Variants in CUX1 observed in about 807,000 individuals in gnomAD.
The protein encoded by CUX1 is cut like homeobox 1.
In CUX1, 31 loss-of-function variants were observed where a neutral mutation model predicts 158.8. The observed-to-expected ratio is 0.20, with a 90% CI of 0.15 to 0.26. CUX1 has a LOEUF of 0.26. CUX1 is among the 10% of genes least tolerant of loss of function. The pLI is 1.00. For missense variants in CUX1, 1,589 were observed against 2,014.6 expected (o/e 0.79, Z 4.04); for synonymous variants, 879 against 862.1 (o/e 1.02, Z -0.34).
intron 8 of CUX1, among the ~76,000 whole-genome samples, chr7:102,125,355 A>G (rs145737690): frequency 0.011 from 1,639 of 152,304 alleles, 20 homozygotes; most frequent in Non-Finnish European, 0.014. Context: ...AAGTGCTTCA[A>G]CAGTGAAGAG....
intron 2 of CUX1, among the ~76,000 whole-genome samples, chr7:101,989,901 G>A (rs1814880285): frequency 6.6e-6 from 1 of 152,336 alleles, no homozygotes; most frequent in Middle Eastern, 3.4e-3. Context: ...GTACACGCTC[G>A]GTGTGGGCAT....
rs62465610 is a variant in CUX1, at chr7:102,070,936, C to A, written c.268+519C>A. Among the ~76,000 whole-genome samples, 151 of 4,628 alleles carry A rather than the reference C, an allele frequency of 0.033. No individual in the cohort carries two copies. In the East Asian group the frequency reaches 0.33, roughly 10 times the overall value. 3.0% of individuals were successfully genotyped at this position (4,628 alleles called of 152,430 possible). A position where few individuals can be genotyped will look rare whatever the true frequency, so the allele number is the denominator to read the frequency against. On this transcript the variant is annotated intron_variant, in intron 4 of 23. Transcript: ENST00000292535. ...CTACAACCAAGTATATCAGTTGTTTCTTTTATTTTTTTTTTCTAATTTTAT... is the reference window on the plus strand; with the variant it reads ...CTACAACCAAGTATATCAGTTGTTTATTTTATTTTTTTTTTCTAATTTTAT...
intron 2 of CUX1, among the ~76,000 whole-genome samples, chr7:102,017,926 A>C (rs1818845746): frequency 1.3e-5 from 2 of 152,316 alleles, no homozygotes; most frequent in African/African-American, 4.8e-5. Context: ...AGTAAATCAC[A>C]GATGTATTTT....
intron 3 of CUX1, among the ~76,000 whole-genome samples, chr7:102,064,838 C>T (rs1297711470): frequency 1.3e-5 from 2 of 152,178 alleles, no homozygotes; most frequent in Non-Finnish European, 2.9e-5. Flanking sequence ...CTCCCTCCCT[C>T]CCTCTAGACT....
intron 2 of CUX1, among the ~76,000 whole-genome samples, chr7:101,940,565 GTA>G (rs554209380): frequency 1.1e-4 from 17 of 151,436 alleles, no homozygotes; most frequent in Admixed American, 2.0e-4. Context: ...ATATATATGT[GTA>G]TATATATATA....
Position 102,250,560 on chromosome 7 carries a change from G to A in CUX1, c.*1518G>A. On this transcript the variant is annotated 3_prime_UTR_variant, in exon 24 of 24. Transcript: ENST00000292535. ...TGCAGGAGAGAGAACGTGGCATTCT[G>A]GGCTCCCCACTCCCATCCCTGTAGA... 1 of 985,408 alleles carries A rather than the reference G, an allele frequency of 1.0e-6. No homozygotes were observed. Among genetic ancestry groups the A allele is most frequent in the African/African-American group, 1.7e-5 (1 of 57,328 alleles). 61.0% of individuals were successfully genotyped at this position (985,408 alleles called of 1,614,324 possible).
intron 1 of CUX1, among the ~76,000 whole-genome samples, chr7:101,843,946 C>A (rs1444930492): frequency 6.6e-6 from 1 of 152,084 alleles, no homozygotes; most frequent in Non-Finnish European, 1.5e-5. Context: ...GCCAGACGGC[C>A]ATTTGCAGAT....
At chr7:102,186,116 T>C (rs905942284) in intron 11 of CUX1, among the ~76,000 whole-genome samples, 8 of 151,530 alleles carry the variant, frequency 5.3e-5, no homozygotes, top group African/African-American at 1.9e-4. Flanking sequence ...CAACAAGGAG[T>C]TTCTGATCGA....
In CUX1 at chr7:102,148,894, G is replaced by A. The variant is rs187827775; in HGVS notation, c.675-9666G>A. 2.2e-4 allele frequency among the ~76,000 whole-genome samples: 33 copies of A among 151,232 alleles called. No individual in the cohort carries two copies. The East Asian group carries it at 6.4e-3, about 30-fold the overall frequency. ...GAGTCCTTTGCATTTTCATCGCTTAGCTCCCACTTACGAGTGAGAACATAC... is the reference window on the plus strand; with the variant it reads ...GAGTCCTTTGCATTTTCATCGCTTAACTCCCACTTACGAGTGAGAACATAC... On this transcript the variant is annotated intron_variant, in intron 8 of 23. Transcript: ENST00000292535.
rs1554538125 is a variant in CUX1, at chr7:102,248,758, G to A, written c.4234G>A (p.Ala1412Thr). Residue 1412 changes from alanine (A) to threonine (T), a missense_variant, in exon 24 of 24, where the codon GCC becomes ACC. Around this residue, in one of 8 missense-constraint regions of CUX1, gnomAD observed 344 missense variants for 323.7 expected, o/e 1.06. Coordinates refer to ENST00000292535, the MANE Select transcript of CUX1 (RefSeq NM_181552.4). This position sits in a 1 kb window ranked among gnomAD's most constrained non-coding sequence, Gnocchi z 5.8. ...CAGCCCCGCCTCCGCGACCGCCACC[G>A]CCGCGCCCGCGGCCCCCGAGGACGC... ...LPSPASATAT[A>T]APAAPEDAAT... 2 of 1,035,154 alleles carry A rather than the reference G, an allele frequency of 1.9e-6. No homozygotes were observed. Among genetic ancestry groups the A allele is most frequent in the South Asian group, 8.2e-5 (2 of 24,532 alleles). 64.1% of individuals were successfully genotyped at this position (1,035,154 alleles called of 1,614,324 possible). A position where few individuals can be genotyped will look rare whatever the true frequency, so the allele number is the denominator to read the frequency against.
chr7:102,084,505 C>A (rs1046066009), intron 4 of CUX1, among the ~76,000 whole-genome samples: 21 of 132,292 alleles, frequency 1.6e-4, no homozygotes, highest in African/African-American at 5.3e-4. Context: ...CTCAGTGCAA[C>A]CTCCGCCTTC....
intron 8 of CUX1, among the ~76,000 whole-genome samples, chr7:102,133,947 G>A: frequency 6.6e-6 from 1 of 152,170 alleles, no homozygotes; most frequent in East Asian, 1.9e-4. Context: ...AACGCTGTTT[G>A]GATTCATCAC....
chr7:102,134,134 G>C (rs1438446784), intron 8 of CUX1, among the ~76,000 whole-genome samples: 1 of 152,118 alleles, frequency 6.6e-6, no homozygotes, highest in Non-Finnish European at 1.5e-5. Context: ...TCAGGTGTTC[G>C]AGGCCAGTCT....
chr7:101,907,971 C>A (rs993584317), intron 1 of CUX1, among the ~76,000 whole-genome samples: 7 of 151,826 alleles, frequency 4.6e-5, no homozygotes, highest in East Asian at 1.9e-4. Flanking sequence ...AAAAAAAAAA[C>A]CATCGTTTAC....
chr7:102,258,387 C>T (rs1586476079), downstream of CUX1, among the ~76,000 whole-genome samples: 1 of 152,106 alleles, frequency 6.6e-6, no homozygotes, highest in African/African-American at 2.4e-5. Context: ...GGCTTCCGGG[C>T]ACACAGAAAA....
chr7:101,908,874 A>T (rs1299245815), intron 1 of CUX1, among the ~76,000 whole-genome samples: 2 of 152,168 alleles, frequency 1.3e-5, no homozygotes, highest in Non-Finnish European at 2.9e-5. Flanking sequence ...TGTCCAGAGA[A>T]AGGAAGTCAT....
At chr7:101,820,885 A>T (rs963019219) in intron 1 of CUX1, among the ~76,000 whole-genome samples, 1 of 152,144 alleles carries the variant, frequency 6.6e-6, no homozygotes, top group African/African-American at 2.4e-5. Flanking sequence ...AAGCCCAGGG[A>T]CACTTTTCAC....
chr7:102,073,897 T>C (rs976439419), intron 4 of CUX1, among the ~76,000 whole-genome samples: 2 of 152,222 alleles, frequency 1.3e-5, no homozygotes, highest in Non-Finnish European at 2.9e-5. Context: ...TTTTCTGTAA[T>C]ACTAAAAGTC....
chr7:102,084,572 G>A lies in CUX1; in HGVS notation c.269-12792G>A, dbSNP rs1303534922. Among the ~76,000 whole-genome samples, 14 of 144,616 alleles carry A rather than the reference G, an allele frequency of 9.7e-5. 2 individuals carry two copies. The South Asian group carries it at 1.6e-3, about 16-fold the overall frequency. 94.9% of individuals were successfully genotyped at this position (144,616 alleles called of 152,430 possible). ...CAAGTAGCTGGGATTACAGGTGCCC[G>A]CCACCACGCCTGGCTAATTTTTTTG... On this transcript the variant is annotated intron_variant, in intron 4 of 23. Transcript: ENST00000292535.
Sources: gnomAD v4.1 joint callset for allele counts (sites outside exome capture counted in the v4.1 genomes callset) on GRCh38, gnomAD v4.1.1 for gene constraint, gnomAD v4.1.1 regional missense constraint, Gnocchi (gnomAD v3.1) non-coding constraint, MANE v1.5 for transcripts, NCBI Gene and HGNC (gene_info 2026-07-23, HGNC 2026-07-21) for gene names.